MIER3: variants seen among roughly 807,000 people sequenced by gnomAD.
The protein encoded by MIER3 is MIER family member 3, also known as mesoderm induction early response protein 3.
A neutral mutation model predicts 63.2 loss-of-function variants in MIER3; 9 were observed. The ratio of observed to expected loss-of-function variants is 0.14; its 90% confidence interval spans 0.09 to 0.25. The LOEUF is 0.25. Among genes scored for constraint, MIER3 ranks in the 10% least tolerant of loss-of-function variants. The pLI, the probability that MIER3 is intolerant of heterozygous loss-of-function variation, is 1.00. For missense variants in MIER3, 512 were observed against 666.2 expected, an observed-to-expected ratio of 0.77 and a Z score of 2.55; for synonymous variants, 205 against 224.9, an observed-to-expected ratio of 0.91 and a Z score of 0.79.
intron 5 of MIER3, 126 bp downstream of exon 5, chr5:56,937,452 A>G (rs946959136): frequency 1.6e-5 from 15 of 920,762 alleles, no homozygotes; most frequent in African/African-American, 3.5e-5. Flanking sequence ...TTTAAATTAT[A>G]GAAGTATTTT....
intron 2 of MIER3, 185 bp from the exon 3 acceptor site, chr5:56,947,256 C>A: frequency 1.9e-6 from 1 of 540,112 alleles, no homozygotes; most frequent in East Asian, 3.7e-5. Context: ...TCTAAATCAG[C>A]AAAATAACAA....
At chr5:56,950,493 T>C (rs1426555569) in intron 2 of MIER3, 135 bp downstream of exon 2, 2 of 896,212 alleles carry the variant, frequency 2.2e-6, no homozygotes, top group East Asian at 5.2e-5. Flanking sequence ...CTTTACTAAA[T>C]GCACACTGAA....
intron 2 of MIER3, 154 bp from the exon 3 acceptor site, chr5:56,947,225 C>T (rs779111825): frequency 1.3e-4 from 89 of 704,134 alleles, no homozygotes; most frequent in Non-Finnish European, 1.8e-4. Context: ...TAAATTAAGA[C>T]CCCATGATTC....
At chr5:56,951,348 C>G (rs1052664589) in intron 1 of MIER3, among the ~76,000 whole-genome samples, 1 of 152,106 alleles carries the variant, frequency 6.6e-6, no homozygotes, top group Non-Finnish European at 1.5e-5. Context: ...CCCCTCCCCC[C>G]AGCTCACCAG....
intron 5 of MIER3, 134 bp from the exon 6 acceptor site, chr5:56,935,885 C>T (rs1158205146): frequency 1.5e-6 from 1 of 664,726 alleles, no homozygotes; most frequent in East Asian, 2.7e-5. Flanking sequence ...GCATGTTTCT[C>T]ACAATCGACA....
chr5:56,928,957 T>TCTCTCTCTCACACACACACACA, intron 9 of MIER3, 96 bp from the exon 10 acceptor site: 2 of 152,670 alleles, frequency 1.3e-5, no homozygotes, highest in East Asian at 9.9e-5. Context: ...GGTCACAAAC[T>TCTCTCTCTCACACACACACACA]CTCTCTCTCT....
At chr5:56,942,248 C>T (rs548681534) in intron 3 of MIER3, among the ~76,000 whole-genome samples, 1 of 152,308 alleles carries the variant, frequency 6.6e-6, no homozygotes, top group East Asian at 1.9e-4. Context: ...GGGATCTATG[C>T]TTATCAGAAG....
At chr5:56,939,091 T>C in intron 3 of MIER3, 74 bp from the exon 4 acceptor site, 1 of 1,469,180 alleles carries the variant, frequency 6.8e-7, no homozygotes, top group South Asian at 1.4e-5. Context: ...TGTACTGTCC[T>C]TAGGTTCAGA....
chr5:56,930,668 A>G lies in MIER3; in HGVS notation c.825T>C (p.Ser275=), dbSNP rs1227294319. The G allele has an allele frequency of 3.1e-6, 5 of 1,613,502 alleles. No individual in the cohort carries two copies. In the African/African-American group the frequency reaches 6.7e-5, roughly 22 times the overall value. ...IERYCCNGKA[S]QEGMTAWTEE... is the part of the protein sequence containing the mutation. ...TTAAACCCAAGTGTTTCTTACCTTG[A>G]GAGGCCTTTCCATTGCAGCAGTATC... The change falls in exon 9 of 13, where the codon TCT becomes TCC. Residue 275 remains serine (S), a synonymous_variant. Coordinates refer to ENST00000381199, the MANE Select transcript of MIER3 (RefSeq NM_001297599.2).
chr5:56,939,443 T>C (rs962250209), intron 3 of MIER3, among the ~76,000 whole-genome samples: 5 of 152,262 alleles, frequency 3.3e-5, no homozygotes, highest in Non-Finnish European at 7.3e-5. Context: ...AGAAGACACC[T>C]GGTAGAAAAC....
intron 10 of MIER3, among the ~76,000 whole-genome samples, chr5:56,926,927 C>T (rs1446068116): frequency 6.6e-6 from 1 of 152,004 alleles, no homozygotes; most frequent in Non-Finnish European, 1.5e-5. Flanking sequence ...CAAACACAAA[C>T]AAACAAAAAA....
intron 2 of MIER3, 112 bp from the exon 3 acceptor site, chr5:56,947,183 C>G: frequency 2.9e-6 from 3 of 1,028,200 alleles, no homozygotes; most frequent in Non-Finnish European, 4.1e-6. Context: ...GAGGGTTTTA[C>G]TAAATGAATT....
chr5:56,937,655 G>C lies in MIER3; in HGVS notation c.359C>G (p.Thr120Ser), dbSNP rs1750496317. ...CGTCAGATCATCCGCAGAAGACTGA[G>C]TTTCCTCGTCATCACCTGACAACAG... is the stretch of plus-strand genomic sequence containing the variant. The part of the protein sequence containing the change: ...KDLLSGDDEE[T>S]QSSADDLTPS... Residue 120 changes from threonine (T) to serine (S), a missense_variant, in exon 5 of 13, where the codon ACT becomes AGT. Physicochemically the swap from Thr to Ser is moderately conservative, Grantham distance 58. Transcript: ENST00000381199. 1 of 1,612,110 alleles carries C rather than the reference G, an allele frequency of 6.2e-7. No individual in the cohort carries two copies. Among genetic ancestry groups the C allele is most frequent in the African/African-American group, 1.3e-5 (1 of 74,868 alleles).
chr5:56,928,904 T>G (rs770461064), intron 9 of MIER3, 43 bp from the exon 10 acceptor site: 1 of 1,425,132 alleles, frequency 7.0e-7, no homozygotes, highest in Admixed American at 1.8e-5. Flanking sequence ...CCCCAAATTT[T>G]CTTATGTGAA....
rs1285987104 is a variant in MIER3, at chr5:56,927,159, G to C, written c.924+1608C>G. On this transcript the variant is annotated intron_variant, in intron 10 of 12. Coordinates refer to ENST00000381199, the MANE Select transcript of MIER3 (RefSeq NM_001297599.2). Reference sequence around the variant, plus strand: ...CAGTGAAGCTACTCTGTATGATACTGTACTGGTGGATATGTATCATTATAT... The same window carrying C: ...CAGTGAAGCTACTCTGTATGATACTCTACTGGTGGATATGTATCATTATAT... Among the ~76,000 whole-genome samples, 2 of 152,052 alleles carry C rather than the reference G, an allele frequency of 1.3e-5. 1 individual carries two copies. The highest frequency in any genetic ancestry group is 3.8e-4 in the East Asian group (2 of 5,196).
intron 8 of MIER3, among the ~76,000 whole-genome samples, chr5:56,932,294 T>C (rs1322914034): frequency 2.0e-5 from 3 of 151,946 alleles, no homozygotes; most frequent in Non-Finnish European, 4.4e-5. Flanking sequence ...AAAATAGAGC[T>C]CCCCTTTCTA....
At position 56,921,405 on chromosome 5, in the gene MIER3, A is replaced by T. The variant is rs1333916759; in HGVS notation, c.*1723T>A. 6.6e-6 allele frequency: 1 copy of T among 152,502 alleles called. No homozygotes were observed. Among genetic ancestry groups the T allele is most frequent in the African/African-American group, 2.4e-5 (1 of 41,466 alleles). The allele number at this position is 152,502 out of a possible 1,614,324, so 9.4% of individuals were successfully genotyped here. On this transcript the variant is annotated 3_prime_UTR_variant, in exon 13 of 13. Coordinates refer to ENST00000381199, the MANE Select transcript of MIER3 (RefSeq NM_001297599.2). ...GCTACCCATTATTTACTGTGTGCAT[A>T]CAGGAATGCTATACTTCAGATGTAT...
chr5:56,935,343 C>T, intron 7 of MIER3, 85 bp downstream of exon 7: 2 of 1,025,520 alleles, frequency 2.0e-6, no homozygotes, highest in Non-Finnish European at 2.8e-6. Flanking sequence ...ATTGCCAAGG[C>T]TGGTATAAAG....
rs573152750 is a variant in MIER3, at chr5:56,948,877, G to A, written c.34+1751C>T. ...TACTCTTCTATCACTTGGCACAACA[G>A]GCCTCCCCTTTAACATGGAAGGTAT... On this transcript the variant is annotated intron_variant, in intron 2 of 12. Coordinates refer to ENST00000381199, the MANE Select transcript of MIER3 (RefSeq NM_001297599.2). 4.6e-5 allele frequency among the ~76,000 whole-genome samples: 7 copies of A among 152,216 alleles called. No individual in the cohort carries two copies. In the South Asian group the frequency reaches 1.5e-3, roughly 32 times the overall value.
Sources: allele counts gnomAD v4.1 joint callset (sites outside exome capture counted in the v4.1 genomes callset), GRCh38; gene constraint gnomAD v4.1.1; transcripts MANE v1.5; gene names NCBI Gene and HGNC (gene_info 2026-07-23, HGNC 2026-07-21).